DCDC1: variants seen among roughly 807,000 people sequenced by gnomAD.
DCDC1 encodes doublecortin domain containing 1.
In DCDC1, 200 loss-of-function variants were observed where a neutral mutation model predicts 178.3. The observed-to-expected ratio is 1.12, with a 90% CI of 1.00 to 1.26. DCDC1 has a LOEUF of 1.26. DCDC1 is among the 50% of genes most tolerant of loss of function. The pLI, the probability that DCDC1 is intolerant of heterozygous loss-of-function variation, is 0.00. For synonymous variants in DCDC1, 690 were observed against 604.8 expected, an observed-to-expected ratio of 1.14 and a Z score of -2.07; for missense variants, 1,983 against 1,749.2, an observed-to-expected ratio of 1.13 and a Z score of -2.38.
intron 20 of DCDC1, among the ~76,000 whole-genome samples, chr11:31,022,114 T>G (rs956569347): frequency 6.6e-6 from 1 of 152,184 alleles, no homozygotes; most frequent in Non-Finnish European, 1.5e-5. Flanking sequence ...CATATCTTCC[T>G]AGAAGTTTAA....
At chr11:31,252,589 C>A (rs1261481329) in intron 8 of DCDC1, among the ~76,000 whole-genome samples, 1 of 151,852 alleles carries the variant, frequency 6.6e-6, no homozygotes, top group Non-Finnish European at 1.5e-5. Context: ...AAACTGTGTA[C>A]AATTTAGGGC....
intron 10 of DCDC1, among the ~76,000 whole-genome samples, chr11:31,135,057 T>C (rs1299285632): frequency 6.6e-6 from 1 of 152,170 alleles, no homozygotes; most frequent in African/African-American, 2.4e-5. Context: ...CACCTCAAAG[T>C]GGTTTTACGA....
intron 22 of DCDC1, among the ~76,000 whole-genome samples, chr11:30,927,358 C>T (rs542712096): frequency 2.1e-4 from 32 of 150,262 alleles, no homozygotes; most frequent in African/African-American, 7.6e-4. Context: ...TGAGAGCAAG[C>T]AATGCCTTGT....
At chr11:31,290,316 C>G (rs1947131428) in intron 7 of DCDC1, among the ~76,000 whole-genome samples, 2 of 151,958 alleles carry the variant, frequency 1.3e-5, no homozygotes, top group Non-Finnish European at 2.9e-5. Context: ...CTTAGACTGG[C>G]TTCAATCTAA....
intron 9 of DCDC1, among the ~76,000 whole-genome samples, chr11:31,145,346 G>A (rs1352821136): frequency 1.3e-5 from 2 of 152,206 alleles, no homozygotes; most frequent in Non-Finnish European, 2.9e-5. Context: ...CAGAGAGGCA[G>A]GAGAAATACT....
At chr11:30,968,497 C>T (rs532150642) in intron 20 of DCDC1, among the ~76,000 whole-genome samples, 6 of 151,272 alleles carry the variant, frequency 4.0e-5, no homozygotes, top group Non-Finnish European at 7.4e-5. Context: ...TTCACATAAC[C>T]GTTATTACAG....
chr11:31,210,503 G>A (rs1486504889), intron 9 of DCDC1, among the ~76,000 whole-genome samples: 3 of 152,000 alleles, frequency 2.0e-5, no homozygotes, highest in African/African-American at 7.2e-5. Context: ...ATGAGGTCAG[G>A]AGTTCAAGAC....
intron 20 of DCDC1, among the ~76,000 whole-genome samples, chr11:31,049,681 T>C (rs1048922522): frequency 6.6e-6 from 1 of 152,060 alleles, no homozygotes; most frequent in Non-Finnish European, 1.5e-5. Flanking sequence ...ATACTGTGAG[T>C]GCCTCAACTG....
At chr11:30,900,524 C>T in intron 32 of DCDC1, 26 bp from the exon 33 acceptor site, 2 of 1,482,618 alleles carry the variant, frequency 1.3e-6, no homozygotes, top group Non-Finnish European at 1.8e-6. Flanking sequence ...ACACATTTAT[C>T]ATTGTTCAAC....
chr11:31,366,883 C>T (rs1014950240), intron 1 of DCDC1, among the ~76,000 whole-genome samples: 9 of 152,120 alleles, frequency 5.9e-5, no homozygotes, highest in Admixed American at 5.2e-4. Context: ...GAAACAATAA[C>T]GAAGAATGAG....
intron 34 of DCDC1, among the ~76,000 whole-genome samples, chr11:30,896,303 G>A (rs1329777727): frequency 6.6e-6 from 1 of 152,178 alleles, no homozygotes; most frequent in African/African-American, 2.4e-5. Flanking sequence ...AATGAGGCAT[G>A]CCTCTTCCCT....
At chr11:31,060,312 A>G (rs1955839462) in intron 20 of DCDC1, among the ~76,000 whole-genome samples, 1 of 152,082 alleles carries the variant, frequency 6.6e-6, no homozygotes, top group South Asian at 2.1e-4. Flanking sequence ...TATTTTATAA[A>G]TGAAGCTTTC....
intron 20 of DCDC1, among the ~76,000 whole-genome samples, chr11:30,964,045 G>A (rs528492128): frequency 2.7e-4 from 41 of 152,172 alleles, no homozygotes; most frequent in Middle Eastern, 3.4e-3. Context: ...GGCAGGAAGC[G>A]TTAGCTCTTC....
rs575106764 is a variant in DCDC1, at chr11:31,171,037, A to G, written c.1222-33253T>C. On this transcript the variant is annotated intron_variant, in intron 9 of 38. Transcript: ENST00000684477. Reference sequence around the variant, plus strand: ...GAGACAGGGTTTCTCCATGTTGGCCAGGCTGGTCTCGAACTCCCGATCTCA... The same window carrying G: ...GAGACAGGGTTTCTCCATGTTGGCCGGGCTGGTCTCGAACTCCCGATCTCA... 4.6e-5 allele frequency among the ~76,000 whole-genome samples: 7 copies of G among 152,254 alleles called. No individual in the cohort carries two copies. In the South Asian group the frequency reaches 1.5e-3, roughly 32 times the overall value.
rs902965007 is a variant in DCDC1 at position 31,343,309 on chromosome 11, C to A, written c.-124-7745G>T. On this transcript the variant is annotated intron_variant, in intron 1 of 38. Transcript: ENST00000684477. ...CTCCAACGTGGGTGTCAGAGTAAGACCCTGTCTTTTTTTTGAGATGGAGTT... is the reference window on the plus strand; with the variant it reads ...CTCCAACGTGGGTGTCAGAGTAAGAACCTGTCTTTTTTTTGAGATGGAGTT... Among the ~76,000 whole-genome samples the A allele has an allele frequency of 1.4e-4, 21 of 151,934 alleles. 1 individual carries two copies. The highest frequency in any genetic ancestry group is 8.5e-4 in the Admixed American group (13 of 15,232).
intron 25 of DCDC1, among the ~76,000 whole-genome samples, chr11:30,918,266 A>G (rs1945998415): frequency 6.6e-6 from 1 of 152,194 alleles, no homozygotes; most frequent in South Asian, 2.1e-4. Context: ...GGTATAGTCA[A>G]GTCAGTTTTA....
rs142630882 is a variant in DCDC1 at position 31,277,756 on chromosome 11, T to A, written c.961-12156A>T. Among the ~76,000 whole-genome samples, 80 of 152,244 alleles carry A rather than the reference T, an allele frequency of 5.3e-4. 1 individual carries two copies. The highest frequency in any genetic ancestry group is 1.7e-3 in the African/African-American group (71 of 41,570). ...ATTCACATCTTTTGACTTATTTTTGTATTGTTTGTTTTCTTACTGTTGAGG... is the reference window on the plus strand; with the variant it reads ...ATTCACATCTTTTGACTTATTTTTGAATTGTTTGTTTTCTTACTGTTGAGG... On this transcript the variant is annotated intron_variant, in intron 7 of 38. Coordinates refer to ENST00000684477, the MANE Select transcript of DCDC1 (RefSeq NM_001387274.1).
In DCDC1 at chr11:31,305,638, A is replaced by C; in HGVS notation, c.731T>G (p.Leu244Ter). 1 of 1,613,596 alleles carries C rather than the reference A, an allele frequency of 6.2e-7. No homozygotes were observed. Among genetic ancestry groups the C allele is most frequent in the Admixed American group, 1.7e-5 (1 of 59,966 alleles). Residue 244 changes from leucine to a stop codon, truncating the protein, a stop_gained, in exon 6 of 39, where the codon TTA (leucine) becomes TGA (stop). Transcript: ENST00000684477. LOFTEE classifies it high-confidence loss of function. ...ACCTTTAATTTTTTTGAATGGATTT[A>C]AAAAGGGCTCTCCCGTTGAAACATA... The part of the protein sequence containing the change: ...DVYVSTGEPF[L>*]NPFKKIKDHL...
intron 18 of DCDC1, among the ~76,000 whole-genome samples, chr11:31,075,889 TTG>T (rs1956834314): frequency 6.6e-6 from 1 of 152,196 alleles, no homozygotes; most frequent in East Asian, 1.9e-4. Context: ...TTCGCTCTTG[TTG>T]CCCATACTGG....
Sources: gnomAD v4.1 joint callset for allele counts (sites outside exome capture counted in the v4.1 genomes callset) on GRCh38, gnomAD v4.1.1 for gene constraint, MANE v1.5 for transcripts, NCBI Gene and HGNC (gene_info 2026-07-23, HGNC 2026-07-21) for gene names.